DBT: variants seen among roughly 807,000 people sequenced by gnomAD.
The protein encoded by DBT is dihydrolipoamide branched chain transacylase E2, also known as lipoamide acyltransferase component of branched-chain alpha-keto acid dehydrogenase complex, mitochondrial.
In DBT, 40 loss-of-function variants were observed where a neutral mutation model predicts 51.3. That is an observed-to-expected ratio of 0.78 (90% CI 0.61 to 1.02). The LOEUF (loss-of-function observed/expected upper bound fraction) is 1.02. Among genes scored for constraint, DBT ranks in the 50% least tolerant of loss-of-function variants. The pLI, the probability that DBT is intolerant of heterozygous loss-of-function variation, is 0.00. For missense variants in DBT, 510 were observed against 580.2 expected (o/e 0.88, Z 1.24); for synonymous variants, 181 against 190.4 (o/e 0.95, Z 0.41).
At chr1:100,243,601 C>T (rs2100850196) in intron 1 of DBT, among the ~76,000 whole-genome samples, 1 of 152,212 alleles carries the variant, frequency 6.6e-6, no homozygotes, top group South Asian at 2.1e-4. Flanking sequence ...GGATTACAGG[C>T]CATGAGCCAT....
chr1:100,234,936 T>A (rs188713665), intron 3 of DBT, among the ~76,000 whole-genome samples: 3 of 152,280 alleles, frequency 2.0e-5, no homozygotes, highest in Non-Finnish European at 4.4e-5. Flanking sequence ...AAAACTGAGT[T>A]CGGTACCCAG....
intron 10 of DBT, among the ~76,000 whole-genome samples, chr1:100,204,320 G>A (rs997523248): frequency 2.6e-5 from 4 of 152,116 alleles, no homozygotes; most frequent in Admixed American, 2.0e-4. Flanking sequence ...CAGACAAACA[G>A]AGAGCCAAAT....
chr1:100,205,103 A>T (rs1661684902), intron 10 of DBT, among the ~76,000 whole-genome samples: 2 of 152,220 alleles, frequency 1.3e-5, no homozygotes, highest in South Asian at 4.1e-4. Context: ...AAATTGACAA[A>T]TCAGATGTAA....
chr1:100,225,411 G>C (rs1663133017), intron 4 of DBT, among the ~76,000 whole-genome samples: 2 of 151,622 alleles, frequency 1.3e-5, no homozygotes, highest in African/African-American at 4.9e-5. Flanking sequence ...ATTAATTTTT[G>C]TGAAAAAAAA....
At chr1:100,196,447 A>G in intron 10 of DBT, 25 bp from the exon 11 acceptor site, 2 of 1,515,494 alleles carry the variant, frequency 1.3e-6, no homozygotes, top group East Asian at 2.4e-5. Flanking sequence ...AAAAAAAAAA[A>G]AAAAAAAAAA....
rs530671184 is a variant in DBT at position 100,219,362 on chromosome 1, T to A, written c.434-615A>T. Among the ~76,000 whole-genome samples, 78 of 151,506 alleles carry A rather than the reference T, an allele frequency of 5.1e-4. 2 individuals are homozygous for A. In the East Asian group the frequency reaches 0.012, roughly 24 times the overall value. ...GAGACCCTGTCTCAAAAAAAAAAAA[T>A]TTGTATTTTAAACATTTTTCTAATA... On this transcript the variant is annotated intron_variant, in intron 4 of 10. Transcript: ENST00000370132.
At chr1:100,200,626 C>G (rs1465581189) in intron 10 of DBT, among the ~76,000 whole-genome samples, 1 of 152,226 alleles carries the variant, frequency 6.6e-6, no homozygotes, top group East Asian at 1.9e-4. Context: ...CACCTCCCAG[C>G]AGGGAATGAC....
At position 100,206,493 on chromosome 1, in the gene DBT, G is replaced by A. The variant is rs764013401; in HGVS notation, c.1161C>T (p.Ser387=). ...LQKLGSVSQL[S]TTDLTGGTFT... The stretch of plus-strand genomic sequence containing the variant: ...ATGTTCCTCCTGTAAGATCAGTGGT[G>A]CTGAGCTGACTCACAGAGCCCAATT... Residue 387 remains serine, a synonymous_variant, in exon 9 of 11, where the codon AGC becomes AGT. Transcript: ENST00000370132. The A allele has an allele frequency of 1.9e-6, 3 of 1,613,624 alleles. No homozygotes were observed. The South Asian group carries it at 3.3e-5, about 18-fold the overall frequency.
intron 4 of DBT, among the ~76,000 whole-genome samples, chr1:100,228,194 A>G (rs1663335431): frequency 6.6e-6 from 1 of 152,192 alleles, no homozygotes; most frequent in Non-Finnish European, 1.5e-5. Flanking sequence ...AGGAAATATA[A>G]CGACTAGAGG....
At position 100,219,603 on chromosome 1, in the gene DBT, C is replaced by G. The variant is rs1263346433; in HGVS notation, c.434-856G>C. Among the ~76,000 whole-genome samples, 5 of 151,796 alleles carry G rather than the reference C, an allele frequency of 3.3e-5. No individual in the cohort carries two copies. In the East Asian group the frequency reaches 9.7e-4, roughly 30 times the overall value. ...TCTACAAGTGAATTTTAAAAATTAG[C>G]TAGGTACGATAGCACACATCTGTGG... is the stretch of plus-strand genomic sequence containing the variant. On this transcript the variant is annotated intron_variant, in intron 4 of 10. Transcript: ENST00000370132.
Position 100,193,849 on chromosome 1 carries a change from C to T in DBT, c.*2406G>A, listed in dbSNP as rs1660929275. The T allele has an allele frequency of 6.6e-6, 1 of 152,196 alleles. No homozygotes were observed. The highest frequency in any genetic ancestry group is 6.5e-5 in the Admixed American group (1 of 15,272). The allele number at this position is 152,196 out of a possible 1,614,324, so 9.4% of individuals were successfully genotyped here. A position where few individuals can be genotyped will look rare whatever the true frequency, so the allele number is the denominator to read the frequency against. On this transcript the variant is annotated 3_prime_UTR_variant, in exon 11 of 11. Transcript: ENST00000370132. ...AACTCCTGACCTTGTGATCTACCTGCCTTGGCCTCCCAAAGTGGTAGGATT... is the reference window on the plus strand; with the variant it reads ...AACTCCTGACCTTGTGATCTACCTGTCTTGGCCTCCCAAAGTGGTAGGATT...
In DBT at chr1:100,210,782, GAA is replaced by G. The variant is rs764425796; in HGVS notation, c.940-13_940-12del. 1 of 1,613,156 alleles carries G rather than the reference GAA, an allele frequency of 6.2e-7. No homozygotes were observed. Among genetic ancestry groups the G allele is most frequent in the South Asian group, 1.1e-5 (1 of 91,056 alleles). ...TCCCAAGGAAGCAGCCTGTTTAACA[GAA>G]AAAGAATGCAATTTTAGTACTTTTA... On this transcript the variant is annotated splice_polypyrimidine_tract_variant and intron_variant, in intron 7 of 10. Transcript: ENST00000370132.
rs1334201960 is a variant in DBT at position 100,195,224 on chromosome 1, A to T, written c.*1031T>A. The T allele has an allele frequency of 6.6e-6, 1 of 152,664 alleles. No individual in the cohort carries two copies. The highest frequency in any genetic ancestry group is 1.5e-5 in the Non-Finnish European group (1 of 68,040). 9.5% of individuals were successfully genotyped at this position (152,664 alleles called of 1,614,324 possible). On this transcript the variant is annotated 3_prime_UTR_variant, in exon 11 of 11. Coordinates refer to ENST00000370132, the MANE Select transcript of DBT (RefSeq NM_001918.5). ...AAAAAAAGAAATGTCAGTGGCTGCT[A>T]CATTTAAAGTACCTTCCTTACATGA...
chr1:100,229,231 G>A (rs763403729), intron 4 of DBT, among the ~76,000 whole-genome samples: 31 of 151,964 alleles, frequency 2.0e-4, no homozygotes, highest in Non-Finnish European at 3.8e-4. Context: ...GCAGTGGCAC[G>A]ATCTCGGCTC....
At chr1:100,235,308 G>A (rs938028080) in intron 3 of DBT, 128 bp downstream of exon 3, 2 of 588,646 alleles carry the variant, frequency 3.4e-6, no homozygotes, top group Non-Finnish European at 6.1e-6. Context: ...AATGCATTAT[G>A]TGTTTATAAA....
intron 4 of DBT, among the ~76,000 whole-genome samples, chr1:100,219,629 T>A (rs1329105641): frequency 6.6e-6 from 1 of 151,824 alleles, no homozygotes; most frequent in African/African-American, 2.4e-5. Flanking sequence ...ACATCTGTGG[T>A]CCAAGCTACA....
chr1:100,214,786 T>G (rs1161154685), intron 7 of DBT, 31 bp downstream of exon 7: 1 of 1,608,788 alleles, frequency 6.2e-7, no homozygotes, highest in South Asian at 1.1e-5. Context: ...AATGTCCTAC[T>G]CAAGCCTTGT....
intron 4 of DBT, among the ~76,000 whole-genome samples, chr1:100,224,753 A>G (rs944915175): frequency 2.3e-4 from 35 of 152,136 alleles, no homozygotes; most frequent in African/African-American, 7.2e-4. Flanking sequence ...ATGGTAGCTC[A>G]CGCCTGTAAT....
chr1:100,227,930 C>A (rs886242253), intron 4 of DBT, among the ~76,000 whole-genome samples: 1 of 152,116 alleles, frequency 6.6e-6, no homozygotes, highest in African/African-American at 2.4e-5. Flanking sequence ...CTCACCACAA[C>A]CTCTGCCTCT....
Sources: allele counts gnomAD v4.1 joint callset (sites outside exome capture counted in the v4.1 genomes callset), GRCh38; gene constraint gnomAD v4.1.1; transcripts MANE v1.5; gene names NCBI Gene and HGNC (gene_info 2026-07-23, HGNC 2026-07-21).